Variants in PAX2 observed in about 807,000 individuals in gnomAD.
PAX2 encodes paired box 2.
PAX2 carries 9 observed loss-of-function variants against 41.7 expected under a neutral mutation model. The observed-to-expected ratio is 0.22, with a 90% CI of 0.13 to 0.38. The LOEUF (loss-of-function observed/expected upper bound fraction) is 0.38, where lower values mean the gene tolerates loss of function less well. Ranked by LOEUF, PAX2 falls within the 10% of genes least tolerant of loss-of-function variation. The pLI, the probability that PAX2 is intolerant of heterozygous loss-of-function variation, is 1.00. For missense variants in PAX2, 418 were observed against 531.6 expected, an observed-to-expected ratio of 0.79 and a Z score of 2.10; for synonymous variants, 221 against 212.7, an observed-to-expected ratio of 1.04 and a Z score of -0.34.
At position 100,814,825 on chromosome 10, in the gene PAX2, G is replaced by A. The variant is rs997031623; in HGVS notation, c.919+5589G>A. ...GAAGGAAGCTGTAATTAAGATCCAGGAAGAGATGTGGATGCTGCCCAAGAG... is the reference window on the plus strand; with the variant it reads ...GAAGGAAGCTGTAATTAAGATCCAGAAAGAGATGTGGATGCTGCCCAAGAG... On this transcript the variant is annotated intron_variant, in intron 7 of 9. Coordinates refer to ENST00000355243, the MANE Select transcript of PAX2 (RefSeq NM_000278.5). Among the ~76,000 whole-genome samples, 4 of 152,230 alleles carry A rather than the reference G, an allele frequency of 2.6e-5. No homozygotes were observed. In the East Asian group the frequency reaches 7.7e-4, roughly 29 times the overall value.
chr10:100,790,749 C>T (rs867781315), intron 5 of PAX2, among the ~76,000 whole-genome samples: 8 of 152,300 alleles, frequency 5.3e-5, no homozygotes, highest in Middle Eastern at 3.4e-3. Context: ...CATTGCTGCC[C>T]GCCCTGGAGC....
intron 3 of PAX2, among the ~76,000 whole-genome samples, chr10:100,769,746 A>C (rs1454385904): frequency 6.6e-6 from 1 of 152,026 alleles, no homozygotes. Context: ...TTATTGAACA[A>C]ATAGCTATCA....
At position 100,746,244 on chromosome 10, in the gene PAX2, C is replaced by T. The variant is rs1488265555; in HGVS notation, c.-17C>T. ...ACGGCGGCGGCGGCCGCGCTGCTCC[C>T]GCTCCTCTGCCTCCCCATGGATATG... On this transcript the variant is annotated 5_prime_UTR_variant, in exon 1 of 10. Coordinates refer to ENST00000355243, the MANE Select transcript of PAX2 (RefSeq NM_000278.5). The T allele has an allele frequency of 2.5e-6, 4 of 1,613,544 alleles. No homozygotes were observed. Among genetic ancestry groups the T allele is most frequent in the African/African-American group, 2.7e-5 (2 of 74,886 alleles).
intron 1 of PAX2, chr10:100,749,544 C>A: frequency 2.2e-6 from 3 of 1,371,568 alleles, no homozygotes; most frequent in Non-Finnish European, 2.8e-6. Context: ...CTCGCCCAGC[C>A]CCCAGTCTTC....
chr10:100,826,878 G>A lies in PAX2; in HGVS notation c.1022-131G>A. 4.3e-6 allele frequency: 3 copies of A among 701,572 alleles called. No homozygotes were observed. The highest frequency in any genetic ancestry group is 7.7e-6 in the Non-Finnish European group (3 of 389,604). The allele number at this position is 701,572 out of a possible 1,614,324, so 43.5% of individuals were successfully genotyped here. ...ACCTCCGCCCGGCCCGCCCGCCACG[G>A]CCATTACCCTGCCCGCGACACCTGC... On this transcript the variant is annotated intron_variant, in intron 8 of 9. Coordinates refer to ENST00000355243, the MANE Select transcript of PAX2 (RefSeq NM_000278.5). This position sits in a 1 kb window ranked among gnomAD's most constrained non-coding sequence, Gnocchi z 5.5.
intron 3 of PAX2, among the ~76,000 whole-genome samples, chr10:100,768,241 T>C (rs182170162): frequency 2.0e-5 from 3 of 152,270 alleles, no homozygotes; most frequent in Non-Finnish European, 1.5e-5. Flanking sequence ...CTATTATAAA[T>C]CTTAGATCAA....
At chr10:100,745,374 T>A (rs1423386852), upstream of PAX2, among the ~76,000 whole-genome samples, 1 of 108,350 alleles carries the variant, frequency 9.2e-6, no homozygotes, top group Non-Finnish European at 1.9e-5. Context: ...CATTTCTCCC[T>A]CCCCTGCCCT....
chr10:100,773,242 C>G (rs1846273542), intron 3 of PAX2, among the ~76,000 whole-genome samples: 1 of 152,132 alleles, frequency 6.6e-6, no homozygotes, highest in African/African-American at 2.4e-5. Flanking sequence ...AGAACATTGC[C>G]TAGCACATAG....
chr10:100,813,782 C>A (rs1408236513), intron 7 of PAX2, among the ~76,000 whole-genome samples: 2 of 152,112 alleles, frequency 1.3e-5, no homozygotes, highest in Non-Finnish European at 2.9e-5. Context: ...AGGATAGTAA[C>A]CCATTCTGAA....
chr10:100,746,191 A>G lies in PAX2; in HGVS notation c.-70A>G. On this transcript the variant is annotated 5_prime_UTR_variant, in exon 1 of 10. Transcript: ENST00000355243. Reference sequence around the variant, plus strand: ...CCACCGTCCCTCCCTTTTCTCCTCAAGTCCTGAAGTTGAGTTTGAGAGGCG... The same window carrying G: ...CCACCGTCCCTCCCTTTTCTCCTCAGGTCCTGAAGTTGAGTTTGAGAGGCG... 1 of 1,612,220 alleles carries G rather than the reference A, an allele frequency of 6.2e-7. No homozygotes were observed. Among genetic ancestry groups the G allele is most frequent in the East Asian group, 2.2e-5 (1 of 44,782 alleles).
chr10:100,750,947 C>G lies in PAX2; in HGVS notation c.410+56C>G. On this transcript the variant is annotated intron_variant, in intron 3 of 9. Coordinates refer to ENST00000355243, the MANE Select transcript of PAX2 (RefSeq NM_000278.5). The surrounding 1 kb of genome is among the most constrained non-coding windows in gnomAD (Gnocchi z 4.1). ...GACTCCAGCTCCTGGCTCCTGCCTG[C>G]AGGGGTGTCCCACGCCCAGTCTCTG... 7.5e-7 allele frequency: 1 copy of G among 1,328,732 alleles called. No individual in the cohort carries two copies. 82.3% of individuals were successfully genotyped at this position (1,328,732 alleles called of 1,614,324 possible). A position where few individuals can be genotyped will look rare whatever the true frequency, so the allele number is the denominator to read the frequency against.
chr10:100,737,915 A>T (rs548132572), intron 1 of PAX2, among the ~76,000 whole-genome samples: 1 of 152,268 alleles, frequency 6.6e-6, no homozygotes, highest in Non-Finnish European at 1.5e-5. Flanking sequence ...GTTCCGGAGC[A>T]GCGAAAACCA....
chr10:100,748,603 T>C lies in PAX2; in HGVS notation c.44-1143T>C. The C allele has an allele frequency of 1.0e-6, 1 of 985,324 alleles. No homozygotes were observed. The highest frequency in any genetic ancestry group is 1.2e-6 in the Non-Finnish European group (1 of 829,902). The allele number at this position is 985,324 out of a possible 1,614,324, so 61.0% of individuals were successfully genotyped here. ...GTACCTGCGGCTACGGGTTGATCGC[T>C]CTGGGTGCAGGATTTCTAGACTGCT... is the stretch of plus-strand genomic sequence containing the variant. On this transcript the variant is annotated intron_variant, in intron 1 of 9. Coordinates refer to ENST00000355243, the MANE Select transcript of PAX2 (RefSeq NM_000278.5). This position sits in a 1 kb window ranked among gnomAD's most constrained non-coding sequence, Gnocchi z 5.0.
chr10:100,798,736 C>A (rs1847427215), intron 5 of PAX2, among the ~76,000 whole-genome samples: 1 of 151,982 alleles, frequency 6.6e-6, no homozygotes, highest in Non-Finnish European at 1.5e-5. Context: ...TCCCTTGTGA[C>A]TCCCCCACCC....
In PAX2 at chr10:100,827,062, G is replaced by A; in HGVS notation, c.1075G>A (p.Glu359Lys). 6.2e-7 allele frequency: 1 copy of A among 1,613,630 alleles called. No homozygotes were observed. Among genetic ancestry groups the A allele is most frequent in the Non-Finnish European group, 8.5e-7 (1 of 1,179,582 alleles). Residue 359 changes from glutamate (E) to lysine (K), a missense_variant, in exon 9 of 10, where the codon GAG (glutamate) becomes AAG (lysine). Physicochemically the swap from Glu to Lys is moderately conservative, Grantham distance 56 (BLOSUM62 1). This residue lies in a region of PAX2 where 310 missense variants were observed against 325.2 expected (regional missense o/e 0.95). Transcript: ENST00000355243. The surrounding 1 kb of genome is among the most constrained non-coding windows in gnomAD (Gnocchi z 8.5). ...CCACCCCCAGTACACGGCCTACAAC[G>A]AGGCTTGGAGATTCAGCAACCCCGC... ...YSHPQYTAYNEAWRFSNPALL... is the reference protein window; with the variant it reads ...YSHPQYTAYNKAWRFSNPALL...
intron 5 of PAX2, among the ~76,000 whole-genome samples, chr10:100,792,101 T>C (rs1847140537): frequency 1.3e-5 from 2 of 152,244 alleles, no homozygotes; most frequent in African/African-American, 2.4e-5. Context: ...AAGATAATTA[T>C]TGGAGTCTTT....
chr10:100,817,528 C>T (rs1315618331), intron 7 of PAX2, among the ~76,000 whole-genome samples: 1 of 152,178 alleles, frequency 6.6e-6, no homozygotes, highest in Non-Finnish European at 1.5e-5. Flanking sequence ...TGGTTGTGTC[C>T]GGCCGGTTGG....
Position 100,829,942 on chromosome 10 carries a change from C to T in PAX2, c.*2323C>T, listed in dbSNP as rs1211829015. ...ATAAAGAATAAAATTTTGTATGTCA[C>T]TCCCCATGGCTCCAAGTTTGTCTCT... On this transcript the variant is annotated 3_prime_UTR_variant, in exon 10 of 10. Coordinates refer to ENST00000355243, the MANE Select transcript of PAX2 (RefSeq NM_000278.5). The T allele has an allele frequency of 1.8e-5, 3 of 169,454 alleles. No individual in the cohort carries two copies. Among genetic ancestry groups the T allele is most frequent in the Non-Finnish European group, 1.3e-5 (1 of 77,950 alleles). The allele number at this position is 169,454 out of a possible 1,614,324, so 10.5% of individuals were successfully genotyped here. A position where few individuals can be genotyped will look rare whatever the true frequency, so the allele number is the denominator to read the frequency against.
At chr10:100,773,632 T>A (rs1846287245) in intron 3 of PAX2, among the ~76,000 whole-genome samples, 1 of 152,222 alleles carries the variant, frequency 6.6e-6, no homozygotes, top group Admixed American at 6.5e-5. Flanking sequence ...CCGGTCTGCC[T>A]GGCTGTAATG....
Sources: allele counts gnomAD v4.1 joint callset (sites outside exome capture counted in the v4.1 genomes callset), GRCh38; gene constraint gnomAD v4.1.1; regional missense constraint gnomAD v4.1.1; non-coding constraint Gnocchi (gnomAD v3.1); transcripts MANE v1.5; gene names NCBI Gene and HGNC (gene_info 2026-07-23, HGNC 2026-07-21).